Variants in GPKOW observed in about 807,000 individuals in gnomAD.
The protein encoded by GPKOW is G-patch domain and KOW motifs-containing protein.
For missense variants in GPKOW, 359 were observed against 404.7 expected, an observed-to-expected ratio of 0.89 and a Z score of 0.97; for synonymous variants, 167 against 159.1, an observed-to-expected ratio of 1.05 and a Z score of -0.37.
At chrX:49,117,947 T>A (rs781878250) in intron 4 of GPKOW, 137 bp from the exon 5 acceptor site, 146 of 398,039 alleles carry the variant, frequency 3.7e-4, no homozygotes, top group Admixed American at 6.1e-4. Context: ...GGAGATGGAG[T>A]TTTGCTCTTG....
rs1289965942 is a variant in GPKOW, at chrX:49,113,503, G to A, written c.*118C>T. On this transcript the variant is annotated 3_prime_UTR_variant, in exon 11 of 11. Coordinates refer to ENST00000156109, the MANE Select transcript of GPKOW (RefSeq NM_015698.6). ...TCACCCATCCCTTTCCCTTGTCCTT[G>A]TCCCAGGACTGCACCAGAAGTAGAG... 1 of 713,604 alleles carries A rather than the reference G, an allele frequency of 1.4e-6. No individual in the cohort carries two copies. Among genetic ancestry groups the A allele is most frequent in the Non-Finnish European group, 2.1e-6 (1 of 467,002 alleles). The allele number at this position is 713,604 out of a possible 1,213,427, so 58.8% of individuals were successfully genotyped here. A position where few individuals can be genotyped will look rare whatever the true frequency, so the allele number is the denominator to read the frequency against.
Position 49,123,528 on chromosome X carries a change from G to T in GPKOW, c.176+19C>A, listed in dbSNP as rs1557091423. 1 of 1,186,328 alleles carries T rather than the reference G, an allele frequency of 8.4e-7. No individual in the cohort carries two copies. Among genetic ancestry groups the T allele is most frequent in the South Asian group, 1.8e-5 (1 of 54,379 alleles). On this transcript the variant is annotated intron_variant, in intron 1 of 10. Coordinates refer to ENST00000156109, the MANE Select transcript of GPKOW (RefSeq NM_015698.6). The stretch of plus-strand genomic sequence containing the variant: ...CCCACCGCAGAGATTTCCAAGGGGT[G>T]AAAGACCCGGCGCGTCACCTCTGCA...
In GPKOW at chrX:49,120,906, C is replaced by T. The variant is rs373857064; in HGVS notation, c.457-1092G>A. Among the ~76,000 whole-genome samples, 15 of 109,982 alleles carry T rather than the reference C, an allele frequency of 1.4e-4. No homozygotes were observed. The East Asian group carries it at 3.8e-3, about 28-fold the overall frequency. On this transcript the variant is annotated intron_variant, in intron 3 of 10. Coordinates refer to ENST00000156109, the MANE Select transcript of GPKOW (RefSeq NM_015698.6). ...CTTGAACTCCTGACCTCAGGTGATC[C>T]GCTGGCCTCAGCCTCTCAAAGTGTT...
intron 6 of GPKOW, 102 bp from the exon 7 acceptor site, chrX:49,116,425 C>T: frequency 5.3e-6 from 3 of 563,399 alleles, no homozygotes; most frequent in Non-Finnish European, 9.2e-6. Context: ...AAGGCCATGT[C>T]TCAGCCTAGA....
At chrX:49,123,511 A>C in intron 1 of GPKOW, 36 bp downstream of exon 1, 2 of 1,154,802 alleles carry the variant, frequency 1.7e-6, no homozygotes, top group Non-Finnish European at 2.3e-6. Flanking sequence ...CGCCCACCGC[A>C]GAGATTTCCA....
rs1316065914 is a variant in GPKOW, at chrX:49,115,806, A to G, written c.1141-11T>C. 1 of 1,197,104 alleles carries G rather than the reference A, an allele frequency of 8.4e-7. No individual in the cohort carries two copies. Among genetic ancestry groups the G allele is most frequent in the Non-Finnish European group, 1.1e-6 (1 of 883,550 alleles). ...ATCTTCAATTATCATCTGGGGATAC[A>G]GGTCAGGGGGATGTGAGATTTTAGA... On this transcript the variant is annotated splice_polypyrimidine_tract_variant and intron_variant, in intron 8 of 10. Transcript: ENST00000156109.
In GPKOW at chrX:49,113,539, T is replaced by C; in HGVS notation, c.*82A>G. 5 of 965,891 alleles carry C rather than the reference T, an allele frequency of 5.2e-6. No individual in the cohort carries two copies. Among genetic ancestry groups the C allele is most frequent in the Non-Finnish European group, 7.4e-6 (5 of 678,398 alleles). 79.6% of individuals were successfully genotyped at this position (965,891 alleles called of 1,213,427 possible). Reference sequence around the variant, plus strand: ...GCACCAGAAGTAGAGGATGGAACAATGATCTTCCCACCTTCTGAAGGCAAC... The same window carrying C: ...GCACCAGAAGTAGAGGATGGAACAACGATCTTCCCACCTTCTGAAGGCAAC... On this transcript the variant is annotated 3_prime_UTR_variant, in exon 11 of 11. Transcript: ENST00000156109.
rs148811432 is a variant in GPKOW at position 49,116,005 on chromosome X, C to A, written c.1026G>T (p.Gly342=). The change falls in exon 8 of 11, where the codon GGG becomes GGT. Residue 342 remains glycine (G), a synonymous_variant. Coordinates refer to ENST00000156109, the MANE Select transcript of GPKOW (RefSeq NM_015698.6). The stretch of plus-strand genomic sequence containing the variant: ...CTGCTTTCTCACTCTTGGCTGCAGG[C>A]CCATCCTGTCTGTGGAGAAGGTGCC... ...KRKHLPDRQD[G]PAAKSEKAAP... is the part of the protein sequence containing the mutation. 8.3e-7 allele frequency: 1 copy of A among 1,210,079 alleles called. No individual in the cohort carries two copies. The highest frequency in any genetic ancestry group is 1.1e-6 in the Non-Finnish European group (1 of 895,087).
chrX:49,118,135 G>A (rs1398791477), intron 4 of GPKOW, among the ~76,000 whole-genome samples: 1 of 109,339 alleles, frequency 9.1e-6, no homozygotes, highest in Non-Finnish European at 1.9e-5. Flanking sequence ...TGGTCAGGCC[G>A]GTCTTGAACT....
intron 9 of GPKOW, among the ~76,000 whole-genome samples, chrX:49,115,468 C>CT (rs1388495886): frequency 2.2e-5 from 2 of 91,327 alleles, no homozygotes; most frequent in Admixed American, 1.4e-4. Context: ...GATCACGCCA[C>CT]TGCACTCCAG....
chrX:49,113,995 C>T (rs1374147216), intron 9 of GPKOW, 57 bp from the exon 10 acceptor site: 30 of 869,275 alleles, frequency 3.5e-5, no homozygotes, highest in Non-Finnish European at 4.9e-5. Flanking sequence ...CAACCAGCGT[C>T]CTGTCAGAAG....
At position 49,115,952 on chromosome X, in the gene GPKOW, C is replaced by T. The variant is rs782176198; in HGVS notation, c.1079G>A (p.Arg360Lys). The T allele has an allele frequency of 3.3e-6, 4 of 1,208,730 alleles. No homozygotes were observed. The highest frequency in any genetic ancestry group is 2.2e-5 in the Admixed American group (1 of 45,778). ...AAPRSQHWLH[R>K]DLRVRFVDNM... ...GTCCACAAACCGCACACGCAGGTCCCTGTGCAACCAGTGCTGACTTCTGGG... is the reference window on the plus strand; with the variant it reads ...GTCCACAAACCGCACACGCAGGTCCTTGTGCAACCAGTGCTGACTTCTGGG... Residue 360 changes from arginine to lysine, a missense_variant, in exon 8 of 11, where the codon AGG (arginine) becomes AAG (lysine). Arg to Lys is a conservative substitution (Grantham distance 26). Transcript: ENST00000156109.
chrX:49,118,534 T>A (rs1404170783), intron 4 of GPKOW, among the ~76,000 whole-genome samples: 3 of 106,242 alleles, frequency 2.8e-5, no homozygotes, highest in Admixed American at 1.0e-4. Context: ...AGGTCAGGAG[T>A]TCAAGACCAG....
chrX:49,113,817 G>A (rs782778080), intron 10 of GPKOW, 36 bp downstream of exon 10: 30 of 1,199,028 alleles, frequency 2.5e-5, no homozygotes, highest in South Asian at 2.1e-4. Flanking sequence ...GGCCCTGAAC[G>A]ACCCACAAAC....
At chrX:49,116,968 A>G in intron 6 of GPKOW, 62 bp downstream of exon 6, 1 of 1,063,777 alleles carries the variant, frequency 9.4e-7, no homozygotes. Flanking sequence ...CCCATTAGCC[A>G]GGCCCTGCCA....
chrX:49,117,313 T>G (rs2065197036), intron 5 of GPKOW, 151 bp from the exon 6 acceptor site: 1 of 554,217 alleles, frequency 1.8e-6, no homozygotes, highest in South Asian at 3.1e-5. Context: ...CAGGTCTGGT[T>G]CCTGTGTCTC....
At chrX:49,114,022 G>A in intron 9 of GPKOW, 84 bp from the exon 10 acceptor site, 5 of 643,856 alleles carry the variant, frequency 7.8e-6, no homozygotes, top group Non-Finnish European at 1.3e-5. Context: ...TCCTGGCCAG[G>A]CGTGGTGGCT....
chrX:49,121,953 C>T (rs1557091093), intron 3 of GPKOW, among the ~76,000 whole-genome samples: 1 of 111,847 alleles, frequency 8.9e-6, no homozygotes, highest in African/African-American at 3.2e-5. Context: ...CATATTTCAT[C>T]TATGCTCAGG....
intron 3 of GPKOW, among the ~76,000 whole-genome samples, chrX:49,120,811 G>A (rs982164500): frequency 1.2e-4 from 13 of 110,203 alleles, no homozygotes; most frequent in Admixed American, 9.8e-5. Flanking sequence ...TTACAGGCAC[G>A]TGCCACCATG....
Sources: gnomAD v4.1 joint callset for allele counts (sites outside exome capture counted in the v4.1 genomes callset) on GRCh38, gnomAD v4.1.1 for gene constraint, MANE v1.5 for transcripts, NCBI Gene and HGNC (gene_info 2026-07-23, HGNC 2026-07-21) for gene names.